Variants in FCER2 observed in about 807,000 individuals in gnomAD.
The protein encoded by FCER2 is low affinity immunoglobulin epsilon Fc receptor.
Under a neutral mutation model 49.7 loss-of-function variants are expected in FCER2, and 38 were observed. The observed-to-expected ratio is 0.76, with a 90% confidence interval of 0.59 to 1.00. The LOEUF (loss-of-function observed/expected upper bound fraction) is 1.00, where lower values mean the gene tolerates loss of function less well. Ranked by LOEUF, FCER2 falls within the 50% of genes least tolerant of loss-of-function variation. The pLI is 0.00. For synonymous variants in FCER2, 163 were observed against 164.6 expected (o/e 0.99, Z 0.07); for missense variants, 425 against 419.5 (o/e 1.01, Z -0.11).
chr19:7,697,643 G>T, intron 4 of FCER2, 54 bp from the exon 5 acceptor site: 1 of 1,485,290 alleles, frequency 6.7e-7, no homozygotes, highest in South Asian at 1.1e-5. Context: ...CAGGTCCTTG[G>T]ACCCCGCCTA....
At position 7,699,429 on chromosome 19, in the gene FCER2, C is replaced by G. The variant is rs1241893486; in HGVS notation, c.22+310G>C. The G allele has an allele frequency of 2.8e-6, 4 of 1,445,904 alleles. No individual in the cohort carries two copies. In the East Asian group the frequency reaches 1.2e-4, roughly 44 times the overall value. The allele number at this position is 1,445,904 out of a possible 1,614,324, so 89.6% of individuals were successfully genotyped here. A position where few individuals can be genotyped will look rare whatever the true frequency, so the allele number is the denominator to read the frequency against. ...ATTCTGCTTGTTCCAAGTTCCTGTT[C>G]TATTTGGCCTCTGACTCTATTGGGC... On this transcript the variant is annotated intron_variant, in intron 2 of 10. Coordinates refer to ENST00000597921, the MANE Select transcript of FCER2 (RefSeq NM_001220500.2).
In FCER2 at chr19:7,689,170, T is replaced by A; in HGVS notation, c.*23A>T. The A allele has an allele frequency of 6.5e-7, 1 of 1,536,080 alleles. No homozygotes were observed. The highest frequency in any genetic ancestry group is 9.0e-7 in the Non-Finnish European group (1 of 1,110,968). ...TGGTTGGGGGTCTTCAGGGTCTTGC[T>A]CTGGGCCTGGCTGTATCCATGCTCA... On this transcript the variant is annotated 3_prime_UTR_variant, in exon 11 of 11. Transcript: ENST00000597921.
In FCER2 at chr19:7,689,399, T is replaced by C. The variant is rs377209516; in HGVS notation, c.760A>G (p.Ser254Gly). Residue 254 changes from serine (S) to glycine (G), a missense_variant, in exon 11 of 11, where the codon AGC (serine) becomes GGC (glycine). Physicochemically the swap from Ser to Gly is moderately conservative, Grantham distance 56 (BLOSUM62 0). Coordinates refer to ENST00000597921, the MANE Select transcript of FCER2 (RefSeq NM_001220500.2). ...NWAPGEPTSR[S>G]QGEDCVMMRG... ...ATCATCACGCAGTCCTCGCCCTGGC[T>C]CCGGCTGGTGGGCTCCCCTGGAGCC... 2.9e-5 allele frequency: 46 copies of C among 1,602,070 alleles called. No homozygotes were observed. Among genetic ancestry groups the C allele is most frequent in the Middle Eastern group, 3.9e-4 (2 of 5,094 alleles).
chr19:7,699,202 G>A (rs917806201), intron 2 of FCER2, among the ~76,000 whole-genome samples: 2 of 151,792 alleles, frequency 1.3e-5, no homozygotes, highest in African/African-American at 4.8e-5. Flanking sequence ...TCCCCAACCT[G>A]GAGTCCCTTC....
intron 10 of FCER2, 59 bp from the exon 11 acceptor site, chr19:7,689,489 C>A (rs774226662): frequency 1.8e-6 from 2 of 1,139,388 alleles, no homozygotes; most frequent in African/African-American, 1.5e-5. Context: ...CAGTTCCCGG[C>A]AGCCCTCTGA....
intron 8 of FCER2, among the ~76,000 whole-genome samples, chr19:7,696,251 C>T (rs1019999318): frequency 4.6e-5 from 7 of 152,120 alleles, no homozygotes; most frequent in African/African-American, 1.4e-4. Flanking sequence ...AGGCACGCAC[C>T]ACTACACCCA....
At chr19:7,698,185 A>G (rs1010731949) in intron 4 of FCER2, among the ~76,000 whole-genome samples, 171 bp downstream of exon 4, 4 of 152,182 alleles carry the variant, frequency 2.6e-5, no homozygotes, top group Non-Finnish European at 5.9e-5. Flanking sequence ...TTAGGATGCT[A>G]TCAGGCACTT....
intron 8 of FCER2, among the ~76,000 whole-genome samples, chr19:7,690,943 A>G (rs1056001571): frequency 6.6e-6 from 1 of 152,034 alleles, no homozygotes; most frequent in Non-Finnish European, 1.5e-5. Flanking sequence ...CTCATGTCCA[A>G]CAACACTTCA....
Position 7,699,904 on chromosome 19 carries a change from G to A in FCER2, c.-85-59C>T, listed in dbSNP as rs1390318808. On this transcript the variant is annotated intron_variant, in intron 1 of 10. Transcript: ENST00000597921. Reference sequence around the variant, plus strand: ...CATCAAATCCTAGTTACCAGCACAGGATAGCATCTGGGACTTGGTGGCACT... The same window carrying A: ...CATCAAATCCTAGTTACCAGCACAGAATAGCATCTGGGACTTGGTGGCACT... 6 of 771,630 alleles carry A rather than the reference G, an allele frequency of 7.8e-6. No homozygotes were observed. In the African/African-American group the frequency reaches 8.6e-5, roughly 11 times the overall value. The allele number at this position is 771,630 out of a possible 1,614,324, so 47.8% of individuals were successfully genotyped here.
In FCER2 at chr19:7,695,141, C is replaced by T. The variant is rs139207604; in HGVS notation, c.469+1684G>A. On this transcript the variant is annotated intron_variant, in intron 8 of 10. Transcript: ENST00000597921. The stretch of plus-strand genomic sequence containing the variant: ...GTGAGCCAGTGCACCTGGTCCCTAC[C>T]CCACATTAAGGGTACAGTGACTGAA... Among the ~76,000 whole-genome samples the T allele has an allele frequency of 3.9e-5, 6 of 152,232 alleles. 1 individual carries two copies. The East Asian group carries it at 1.2e-3, about 29-fold the overall frequency.
intron 8 of FCER2, among the ~76,000 whole-genome samples, chr19:7,694,794 C>T (rs946874477): frequency 1.3e-5 from 2 of 151,904 alleles, no homozygotes; most frequent in African/African-American, 2.4e-5. Context: ...CATTAGCTGG[C>T]GGAACGGCAG....
At chr19:7,693,049 C>T (rs905657253) in intron 8 of FCER2, among the ~76,000 whole-genome samples, 1 of 152,168 alleles carries the variant, frequency 6.6e-6, no homozygotes, top group African/African-American at 2.4e-5. Context: ...GTACCCACCA[C>T]CAGCAGCAGC....
rs778129952 is a variant in FCER2 at position 7,699,357 on chromosome 19, C to T, written c.22+382G>A. 3 of 1,311,394 alleles carry T rather than the reference C, an allele frequency of 2.3e-6. No homozygotes were observed. The South Asian group carries it at 3.7e-5, about 16-fold the overall frequency. 81.2% of individuals were successfully genotyped at this position (1,311,394 alleles called of 1,614,324 possible). ...TCTATCTGGATGTCCCACCTCAAGCCCCTGGCCCTCTGCACTCACCCTGGC... is the reference window on the plus strand; with the variant it reads ...TCTATCTGGATGTCCCACCTCAAGCTCCTGGCCCTCTGCACTCACCCTGGC... On this transcript the variant is annotated intron_variant, in intron 2 of 10. Transcript: ENST00000597921.
chr19:7,697,241 G>T lies in FCER2; in HGVS notation c.311C>A (p.Ser104Tyr). The stretch of plus-strand genomic sequence containing the variant: ...CCCCGATCCCAGTCTCTCACCCTGA[G>T]ATTTCAATCTCTGCTGTTCAGCTCG... ...ELRAEQQRLK[S>Y]QDLELSWNLN... Residue 104 changes from serine to tyrosine, a missense_variant, in exon 6 of 11, where the codon TCT (serine) becomes TAT (tyrosine). Ser to Tyr is a moderately radical substitution (Grantham distance 144, BLOSUM62 -2). Coordinates refer to ENST00000597921, the MANE Select transcript of FCER2 (RefSeq NM_001220500.2). 4.3e-6 allele frequency: 7 copies of T among 1,614,170 alleles called. No individual in the cohort carries two copies. Among genetic ancestry groups the T allele is most frequent in the Non-Finnish European group, 5.9e-6 (7 of 1,180,002 alleles).
chr19:7,696,497 A>G (rs181136632), intron 8 of FCER2, among the ~76,000 whole-genome samples: 33 of 152,170 alleles, frequency 2.2e-4, no homozygotes, highest in African/African-American at 7.9e-4. Flanking sequence ...CGGCCTCTCA[A>G]AGTGCTGGGA....
At chr19:7,693,299 C>T (rs1249850596) in intron 8 of FCER2, among the ~76,000 whole-genome samples, 1 of 152,138 alleles carries the variant, frequency 6.6e-6, no homozygotes, top group East Asian at 1.9e-4. Flanking sequence ...AGGCTTTGGT[C>T]AGGAGAGCCA....
Position 7,698,829 on chromosome 19 carries a change from C to T in FCER2, c.48G>A (p.Arg16=), listed in dbSNP as rs1200458928. ...YSEIEELPRR[R]CCRRGTQIVL... is the part of the protein sequence containing the mutation. ...CGATCTGAGTCCCACGCCTGCAACA[C>T]CGCCTCCTGGGAAGCTCCTCGATCT... is the stretch of plus-strand genomic sequence containing the variant. The change falls in exon 3 of 11, where the codon CGG becomes CGA. Residue 16 remains arginine (R), a synonymous_variant. Coordinates refer to ENST00000597921, the MANE Select transcript of FCER2 (RefSeq NM_001220500.2). The T allele has an allele frequency of 6.2e-7, 1 of 1,608,466 alleles. No individual in the cohort carries two copies.
intron 8 of FCER2, among the ~76,000 whole-genome samples, chr19:7,691,358 G>T (rs1318575900): frequency 2.6e-5 from 4 of 152,078 alleles, no homozygotes; most frequent in Non-Finnish European, 5.9e-5. Flanking sequence ...CGGCTCCACA[G>T]CCAGCAGCAC....
intron 8 of FCER2, 64 bp from the exon 9 acceptor site, chr19:7,690,621 T>C: frequency 1.3e-6 from 2 of 1,554,580 alleles, no homozygotes; most frequent in South Asian, 1.2e-5. Flanking sequence ...CTGGGCAGAC[T>C]AGGTGGCAGC....
Sources: allele counts gnomAD v4.1 joint callset (sites outside exome capture counted in the v4.1 genomes callset), GRCh38; gene constraint gnomAD v4.1.1; transcripts MANE v1.5; gene names NCBI Gene and HGNC (gene_info 2026-07-23, HGNC 2026-07-21).